HBP1: variants seen among roughly 807,000 people sequenced by gnomAD.
HBP1 encodes HMG box-containing protein 1.
HBP1 carries 20 observed loss-of-function variants against 62.6 expected under a neutral mutation model. The ratio of observed to expected loss-of-function variants is 0.32; its 90% confidence interval spans 0.22 to 0.46. HBP1 has a LOEUF of 0.46. HBP1 is among the 20% of genes least tolerant of loss of function. HBP1 has a pLI of 1.00. For missense variants in HBP1, 480 were observed against 611.8 expected (o/e 0.78, Z 2.27); for synonymous variants, 232 against 206.2 (o/e 1.12, Z -1.07).
At position 107,182,425 on chromosome 7, in the gene HBP1, G is replaced by A. The variant is rs1368830849; in HGVS notation, c.222G>A (p.Met74Ile). ...AVQSDPTQSG[M>I]YQLSSDVSHQ... is the part of the protein sequence containing the mutation. ...AAAGTGATCCTACCCAATCTGGCAT[G>A]TACCAGCTGAGTTCAGATGTTTCAC... is the stretch of plus-strand genomic sequence containing the variant. The change falls in exon 3 of 11, where the codon ATG (methionine) becomes ATA (isoleucine). Residue 74 changes from methionine to isoleucine, a missense_variant. Physicochemically the swap from Met to Ile is conservative, Grantham distance 10. Around this residue, in one of 4 missense-constraint regions of HBP1, gnomAD observed 304 missense variants for 330.9 expected, o/e 0.92. Coordinates refer to ENST00000222574, the MANE Select transcript of HBP1 (RefSeq NM_012257.4). The A allele has an allele frequency of 1.2e-6, 2 of 1,613,580 alleles. No homozygotes were observed. The highest frequency in any genetic ancestry group is 1.7e-6 in the Non-Finnish European group (2 of 1,179,606).
At chr7:107,197,274 G>A (rs1029566955) in intron 9 of HBP1, among the ~76,000 whole-genome samples, 2 of 152,126 alleles carry the variant, frequency 1.3e-5, no homozygotes, top group Admixed American at 1.3e-4. Context: ...TTGATATCAT[G>A]AGAAAAGTCA....
intron 1 of HBP1, among the ~76,000 whole-genome samples, chr7:107,178,701 T>C (rs1374184917): frequency 6.6e-6 from 1 of 152,214 alleles, no homozygotes; most frequent in Non-Finnish European, 1.5e-5. Flanking sequence ...TTGTAATATA[T>C]GACCATTTTA....
At chr7:107,201,233 T>C in intron 10 of HBP1, 181 bp from the exon 11 acceptor site, 1 of 463,688 alleles carries the variant, frequency 2.2e-6, no homozygotes. Flanking sequence ...TGTCTTATCA[T>C]TGCATACATT....
intron 6 of HBP1, among the ~76,000 whole-genome samples, chr7:107,187,092 A>G (rs918630140): frequency 2.0e-5 from 3 of 152,030 alleles, no homozygotes; most frequent in African/African-American, 7.2e-5. Context: ...CTCTACTAAA[A>G]ATACAAAAAA....
At chr7:107,183,792 C>T (rs1009606045) in intron 3 of HBP1, among the ~76,000 whole-genome samples, 1 of 152,088 alleles carries the variant, frequency 6.6e-6, no homozygotes, top group Non-Finnish European at 1.5e-5. Flanking sequence ...AAAGGAGTAT[C>T]TCCCTGAGGA....
chr7:107,180,316 A>T (rs1797050826), intron 2 of HBP1, among the ~76,000 whole-genome samples: 1 of 152,166 alleles, frequency 6.6e-6, no homozygotes, highest in South Asian at 2.1e-4. Flanking sequence ...TAAAGATTGG[A>T]CCCCACTCGT....
At chr7:107,170,834 G>C (rs1224106507) in intron 1 of HBP1, among the ~76,000 whole-genome samples, 1 of 149,594 alleles carries the variant, frequency 6.7e-6, no homozygotes, top group Non-Finnish European at 1.5e-5. Flanking sequence ...ACATGTCTCC[G>C]CTATCCTGTG....
rs964494350 is a variant in HBP1, at chr7:107,199,781, G to A, written c.1386-379G>A. Among the ~76,000 whole-genome samples, 3 of 152,140 alleles carry A rather than the reference G, an allele frequency of 2.0e-5. No homozygotes were observed. In the South Asian group the frequency reaches 6.2e-4, roughly 31 times the overall value. ...TTTTGAGTTTATCCAGTTTTCTCAA[G>A]TAATAAAAAATACTGTCTAAAGGTT... On this transcript the variant is annotated intron_variant, in intron 9 of 10. Transcript: ENST00000222574.
intron 8 of HBP1, among the ~76,000 whole-genome samples, chr7:107,191,135 C>T (rs1797628780): frequency 6.6e-6 from 1 of 152,106 alleles, no homozygotes; most frequent in Non-Finnish European, 1.5e-5. Flanking sequence ...TCTCAAGAGT[C>T]CCTGCTGGCC....
At chr7:107,179,339 T>A (rs984177201) in intron 1 of HBP1, among the ~76,000 whole-genome samples, 2 of 152,218 alleles carry the variant, frequency 1.3e-5, no homozygotes, top group African/African-American at 2.4e-5. Flanking sequence ...GACTTTTTTT[T>A]ATAATTCAAG....
chr7:107,171,073 A>ATATATTTTTTTTTT lies in HBP1; in HGVS notation c.-16+1889_-16+1890insATATTTTTTTTTTT. On this transcript the variant is annotated intron_variant, in intron 1 of 10. Coordinates refer to ENST00000222574, the MANE Select transcript of HBP1 (RefSeq NM_012257.4). The stretch of plus-strand genomic sequence containing the variant: ...TATATATATATATATATATATATAT[A>ATATATTTTTTTTTT]TTTTTTTTTTTTTTTGAGAGGGAGT... Among the ~76,000 whole-genome samples, 86 of 87,194 alleles carry ATATATTTTTTTTTT rather than the reference A, an allele frequency of 9.9e-4. 7 individuals are homozygous for ATATATTTTTTTTTT. The highest frequency in any genetic ancestry group is 4.7e-3 in the South Asian group (15 of 3,170). 57.2% of individuals were successfully genotyped at this position (87,194 alleles called of 152,430 possible). A position where few individuals can be genotyped will look rare whatever the true frequency, so the allele number is the denominator to read the frequency against.
chr7:107,197,802 A>T (rs1005686691), intron 9 of HBP1, among the ~76,000 whole-genome samples: 5 of 152,186 alleles, frequency 3.3e-5, no homozygotes, highest in Admixed American at 6.5e-5. Context: ...TGTGTTTTTT[A>T]AAAAAAGTTA....
chr7:107,185,942 G>A lies in HBP1; in HGVS notation c.540G>A (p.Arg180=). The A allele has an allele frequency of 6.8e-6, 11 of 1,610,106 alleles. No individual in the cohort carries two copies. The highest frequency in any genetic ancestry group is 9.3e-6 in the Non-Finnish European group (11 of 1,176,570). The change falls in exon 4 of 11, where the codon AGG becomes AGA. Residue 180 remains arginine (R), a splice_region_variant and synonymous_variant. Transcript: ENST00000222574. The stretch of plus-strand genomic sequence containing the variant: ...AGGAAACACCAGTAAGACACGAAAG[G>A]GTAAGTTTATTTATGAGGTTAAACT... ...WKEETPVRHE[R]ANSESESGIF... is the part of the protein sequence containing the mutation.
chr7:107,184,872 A>G (rs954067366), intron 3 of HBP1, among the ~76,000 whole-genome samples: 1 of 152,166 alleles, frequency 6.6e-6, no homozygotes, highest in Admixed American at 6.5e-5. Context: ...TCTGTTAAGG[A>G]CCAGATCTCT....
At chr7:107,170,425 G>T (rs552888107) in intron 1 of HBP1, among the ~76,000 whole-genome samples, 43 of 150,910 alleles carry the variant, frequency 2.8e-4, no homozygotes, top group South Asian at 6.3e-4. Flanking sequence ...TGTACTTTTG[G>T]TTTTTTTTTG....
chr7:107,179,863 T>C lies in HBP1; in HGVS notation c.-15-16T>C, dbSNP rs1562888111. On this transcript the variant is annotated splice_polypyrimidine_tract_variant and intron_variant, in intron 1 of 10. Transcript: ENST00000222574. ...CATGGCTTGACATCATTTCTTAATG[T>C]CGTTTTTATTTTAAGTCAGAGCACC... 6.5e-7 allele frequency: 1 copy of C among 1,539,456 alleles called. No homozygotes were observed. The highest frequency in any genetic ancestry group is 2.3e-5 in the East Asian group (1 of 43,722).
chr7:107,184,947 C>T lies in HBP1; in HGVS notation c.399-854C>T, dbSNP rs944599694. 9.9e-5 allele frequency among the ~76,000 whole-genome samples: 15 copies of T among 152,236 alleles called. No individual in the cohort carries two copies. In the South Asian group the frequency reaches 1.0e-3, roughly 10 times the overall value. On this transcript the variant is annotated intron_variant, in intron 3 of 10. Transcript: ENST00000222574. The stretch of plus-strand genomic sequence containing the variant: ...CCTTCAGATGGTTTTCCCTCCTCCA[C>T]CTGGCTGTCTTCCTCTCTGCTTCCT...
chr7:107,200,981 A>G (rs1798236987), intron 10 of HBP1: 1 of 154,998 alleles, frequency 6.5e-6, no homozygotes, highest in African/African-American at 2.4e-5. Flanking sequence ...AAGGGAAGAT[A>G]TCAATATTTT....
rs200399801 is a variant in HBP1, at chr7:107,196,273, TTTTG to T, written c.1385+130_1385+133del. ...TTTTATTCAACTCTTAGGTTGACTT[TTTTG>T]TTTGTTTTTGAGACGGAGTCTCGCT... On this transcript the variant is annotated intron_variant, in intron 9 of 10. Transcript: ENST00000222574. 5,317 of 738,958 alleles carry T rather than the reference TTTTG, an allele frequency of 7.2e-3. 40 individuals carry two copies. Among genetic ancestry groups the T allele is most frequent in the Middle Eastern group, 0.029 (123 of 4,268 alleles). 45.8% of individuals were successfully genotyped at this position (738,958 alleles called of 1,614,324 possible). A position where few individuals can be genotyped will look rare whatever the true frequency, so the allele number is the denominator to read the frequency against.
Sources: allele counts gnomAD v4.1 joint callset (sites outside exome capture counted in the v4.1 genomes callset), GRCh38; gene constraint gnomAD v4.1.1; regional missense constraint gnomAD v4.1.1; transcripts MANE v1.5; gene names NCBI Gene and HGNC (gene_info 2026-07-23, HGNC 2026-07-21).